DGKA: variants seen among roughly 807,000 people sequenced by gnomAD.
DGKA encodes 80 kDa diacylglycerol kinase.
DGKA carries 35 observed loss-of-function variants against 105.0 expected under a neutral mutation model. That is an observed-to-expected ratio of 0.33 (90% confidence interval 0.25 to 0.44). The LOEUF (loss-of-function observed/expected upper bound fraction) is 0.44. DGKA is among the 20% of genes least tolerant of loss of function. The pLI is 1.00. For synonymous variants in DGKA, 296 were observed against 332.0 expected, an observed-to-expected ratio of 0.89 and a Z score of 1.18; for missense variants, 665 against 915.0, an observed-to-expected ratio of 0.73 and a Z score of 3.53.
chr12:55,928,703 A>C (rs1231211542), upstream of DGKA, among the ~76,000 whole-genome samples: 7 of 149,506 alleles, frequency 4.7e-5, no homozygotes, highest in East Asian at 1.9e-4. Context: ...AAAAAAAAAA[A>C]AAACTAAAAA....
intron 1 of DGKA, chr12:55,931,657 A>C (rs921386161): frequency 6.6e-6 from 1 of 152,472 alleles, no homozygotes; most frequent in African/African-American, 2.4e-5. Context: ...GGATGGCAGC[A>C]ATCAGGAGAG....
intron 17 of DGKA, among the ~76,000 whole-genome samples, chr12:55,945,256 G>C (rs1224015898): frequency 6.6e-6 from 1 of 152,202 alleles, no homozygotes; most frequent in Non-Finnish European, 1.5e-5. Context: ...ATACATGTTT[G>C]AGAGTCATCT....
In DGKA at chr12:55,932,257, T is replaced by G. The variant is rs1592654204; in HGVS notation, c.-82+913T>G. ...GAGGAAGCGTGACAGCTGGAGCGGG[T>G]ATCGAGAAGGGTCTGCGCTGGGACG... On this transcript the variant is annotated intron_variant, in intron 1 of 23. Coordinates refer to ENST00000331886, the MANE Select transcript of DGKA (RefSeq NM_001345.5). This position sits in a 1 kb window ranked among gnomAD's most constrained non-coding sequence, Gnocchi z 4.3. The G allele has an allele frequency of 2.4e-6, 1 of 424,478 alleles. No homozygotes were observed. Among genetic ancestry groups the G allele is most frequent in the Non-Finnish European group, 4.4e-6 (1 of 229,386 alleles). 26.3% of individuals were successfully genotyped at this position (424,478 alleles called of 1,614,324 possible). A position where few individuals can be genotyped will look rare whatever the true frequency, so the allele number is the denominator to read the frequency against.
chr12:55,950,661 C>G (rs1290040383), intron 17 of DGKA, among the ~76,000 whole-genome samples: 1 of 151,912 alleles, frequency 6.6e-6, no homozygotes, highest in African/African-American at 2.4e-5. Flanking sequence ...AGGCTGGTCT[C>G]AAACTCCTGG....
chr12:55,929,225 T>G (rs1883259788), upstream of DGKA: 1 of 152,252 alleles, frequency 6.6e-6, no homozygotes, highest in African/African-American at 2.4e-5. Context: ...AAACCCTTGC[T>G]CTCTTTTCAC....
intron 1 of DGKA, 39 bp downstream of exon 1, chr12:55,931,383 A>G (rs1464970347): frequency 1.3e-5 from 2 of 152,330 alleles, no homozygotes; most frequent in African/African-American, 4.8e-5. Flanking sequence ...AAGGGTGGAC[A>G]TAGACCAAAG....
upstream of DGKA, among the ~76,000 whole-genome samples, chr12:55,928,676 CAAAAAAAAAAAA>C (rs56280303): frequency 2.8e-4 from 13 of 47,268 alleles, no homozygotes; most frequent in African/African-American, 5.3e-4. Context: ...GACCCCGTCT[CAAAAAAAAAAAA>C]AAAAAAAAAA....
At chr12:55,928,004 A>T (rs1883229510), upstream of DGKA, 5 of 546,290 alleles carry the variant, frequency 9.2e-6, no homozygotes, top group East Asian at 1.6e-4. Flanking sequence ...AAAGCGGGGC[A>T]ACTCGCCAAT....
chr12:55,930,284 G>A (rs1243640550), upstream of DGKA: 1 of 151,766 alleles, frequency 6.6e-6, no homozygotes, highest in Non-Finnish European at 1.5e-5. Flanking sequence ...AGGTCATAGA[G>A]GAAGGAGAGA....
chr12:55,933,760 C>A (rs948026984), intron 1 of DGKA, among the ~76,000 whole-genome samples: 1 of 152,168 alleles, frequency 6.6e-6, no homozygotes, highest in Non-Finnish European at 1.5e-5. Flanking sequence ...GTAAGACGTA[C>A]AACTGGGCTT....
Position 55,953,022 on chromosome 12 carries a change from T to C in DGKA, c.1943-18T>C. 10 of 1,614,168 alleles carry C rather than the reference T, an allele frequency of 6.2e-6. No individual in the cohort carries two copies. Among genetic ancestry groups the C allele is most frequent in the Non-Finnish European group, 8.5e-6 (10 of 1,180,024 alleles). On this transcript the variant is annotated intron_variant, in intron 21 of 23. Transcript: ENST00000331886. ...ATACCCTGTTTATGTAAAACTTTAC[T>C]CCCTACTTCGTCCCCAGACCTAAGT...
At position 55,941,513 on chromosome 12, in the gene DGKA, G is replaced by T; in HGVS notation, c.1179G>T (p.Val393=). Residue 393 remains valine, a synonymous_variant, in exon 15 of 24, where the codon GTG becomes GTT. Coordinates refer to ENST00000331886, the MANE Select transcript of DGKA (RefSeq NM_001345.5). ...CTTTTCTTTTTCCCACACACAGGGT[G>T]CTCTGGAAGTTCCAGTATATATTAA... ...PKSGGKQGQR[V]LWKFQYILNP... The T allele has an allele frequency of 6.2e-7, 1 of 1,614,098 alleles. No homozygotes were observed. Among genetic ancestry groups the T allele is most frequent in the Non-Finnish European group, 8.5e-7 (1 of 1,180,020 alleles).
intron 5 of DGKA, 194 bp from the exon 6 acceptor site, chr12:55,938,317 C>T: frequency 1.3e-6 from 1 of 753,132 alleles, no homozygotes; most frequent in East Asian, 2.6e-5. Flanking sequence ...GTATTGTCTC[C>T]CCTGACACAT....
chr12:55,949,615 C>G (rs1283761213), intron 17 of DGKA, among the ~76,000 whole-genome samples: 1 of 152,208 alleles, frequency 6.6e-6, no homozygotes, highest in Non-Finnish European at 1.5e-5. Context: ...CCAATTTATT[C>G]ATAAACTCAT....
chr12:55,952,957 G>A lies in DGKA; in HGVS notation c.1942+25G>A. On this transcript the variant is annotated intron_variant, in intron 21 of 23. Coordinates refer to ENST00000331886, the MANE Select transcript of DGKA (RefSeq NM_001345.5). The surrounding 1 kb of genome is among the most constrained non-coding windows in gnomAD (Gnocchi z 5.1). ...GGTGAGAGGAGCAGCCTTGGGAGCT[G>A]AGTGGGCAGGACGAAGGGAAAGTGT... 1 of 1,614,096 alleles carries A rather than the reference G, an allele frequency of 6.2e-7. No homozygotes were observed. The highest frequency in any genetic ancestry group is 8.5e-7 in the Non-Finnish European group (1 of 1,179,962).
Position 55,953,943 on chromosome 12 carries a change from A to AT in DGKA, c.*176dup, listed in dbSNP as rs1470855732. ...CTCACTGTTCCCCATGCGCACACAC[A>AT]TACACACACCCCAAAACACATACAT... On this transcript the variant is annotated 3_prime_UTR_variant, in exon 24 of 24. Coordinates refer to ENST00000331886, the MANE Select transcript of DGKA (RefSeq NM_001345.5). 1 of 650,864 alleles carries AT rather than the reference A, an allele frequency of 1.5e-6. No homozygotes were observed. The highest frequency in any genetic ancestry group is 2.7e-5 in the East Asian group (1 of 36,682). The allele number at this position is 650,864 out of a possible 1,614,324, so 40.3% of individuals were successfully genotyped here.
At chr12:55,951,821 G>A in intron 18 of DGKA, 38 bp downstream of exon 18, 2 of 1,604,474 alleles carry the variant, frequency 1.2e-6, no homozygotes, top group South Asian at 1.1e-5. Context: ...GGAGAAAGGG[G>A]GGGCCAAGCA....
Position 55,940,062 on chromosome 12 carries a change from A to G in DGKA, c.710-20A>G, listed in dbSNP as rs1158142029. ...GGGAGAGGCTCAGCTAAGCCTCCCA[A>G]CTTCTTCCTTCTCCCTCAGTCTGTA... On this transcript the variant is annotated intron_variant, in intron 9 of 23. Coordinates refer to ENST00000331886, the MANE Select transcript of DGKA (RefSeq NM_001345.5). The surrounding 1 kb of genome is among the most constrained non-coding windows in gnomAD (Gnocchi z 4.3). 1 of 1,611,224 alleles carries G rather than the reference A, an allele frequency of 6.2e-7. No homozygotes were observed. Among genetic ancestry groups the G allele is most frequent in the Non-Finnish European group, 8.5e-7 (1 of 1,177,456 alleles).
chr12:55,936,935 A>G, intron 2 of DGKA, 82 bp from the exon 3 acceptor site: 2 of 1,241,016 alleles, frequency 1.6e-6, no homozygotes, highest in African/African-American at 1.5e-5. Flanking sequence ...TCTCATTTGA[A>G]TCTTTTTTCC....
Sources: gnomAD v4.1 joint callset for allele counts (sites outside exome capture counted in the v4.1 genomes callset) on GRCh38, gnomAD v4.1.1 for gene constraint, Gnocchi (gnomAD v3.1) non-coding constraint, MANE v1.5 for transcripts, NCBI Gene and HGNC (gene_info 2026-07-23, HGNC 2026-07-21) for gene names.